Variants in SYT16 observed in about 807,000 individuals in gnomAD.
The protein encoded by SYT16 is synaptotagmin-16.
SYT16 carries 42 observed loss-of-function variants against 61.4 expected under a neutral mutation model. That is an observed-to-expected ratio of 0.68 (90% CI 0.53 to 0.89). The LOEUF (loss-of-function observed/expected upper bound fraction) is 0.89, where lower values mean the gene tolerates loss of function less well. SYT16 is among the 40% of genes least tolerant of loss of function. The pLI is 0.00. For synonymous variants in SYT16, 314 were observed against 302.3 expected (o/e 1.04, Z -0.40); for missense variants, 804 against 807.3 (o/e 1.00, Z 0.05).
In SYT16 at chr14:62,081,130, C is replaced by T. The variant is rs1237422755; in HGVS notation, c.1290C>T (p.Ala430=). 21 of 1,613,948 alleles carry T rather than the reference C, an allele frequency of 1.3e-5. No individual in the cohort carries two copies. The highest frequency in any genetic ancestry group is 1.6e-4 in the Middle Eastern group (1 of 6,062). The change falls in exon 6 of 8, where the codon GCC becomes GCT. Residue 430 remains alanine, a synonymous_variant. Transcript: ENST00000683842. ...FAKLEPRDVA[A]CAVRFRLYAA... The stretch of plus-strand genomic sequence containing the variant: ...AGCTGGAGCCCAGAGATGTGGCTGC[C>T]TGTGCTGTCCGCTTCCGCCTGTACG...
chr14:61,851,101 C>T (rs1345559743), intron 1 of SYT16, among the ~76,000 whole-genome samples: 1 of 152,024 alleles, frequency 6.6e-6, no homozygotes, highest in East Asian at 1.9e-4. Context: ...TGTTGTTTCT[C>T]CCCATGTGTC....
Position 62,105,952 on chromosome 14 carries a change from C to T in SYT16, c.*5245C>T, listed in dbSNP as rs941314867. ...GGGCTTTTAGTAGGGAATAATTAAA[C>T]ATGTAGGGAAGGTGAAGGAGTTAGA... On this transcript the variant is annotated 3_prime_UTR_variant, in exon 8 of 8. Transcript: ENST00000683842. The T allele has an allele frequency of 4.6e-5, 7 of 152,092 alleles. No homozygotes were observed. The highest frequency in any genetic ancestry group is 3.3e-4 in the Admixed American group (5 of 15,252). 9.4% of individuals were successfully genotyped at this position (152,092 alleles called of 1,614,324 possible). A position where few individuals can be genotyped will look rare whatever the true frequency, so the allele number is the denominator to read the frequency against.
At chr14:61,854,381 T>C (rs1241080796) in intron 1 of SYT16, among the ~76,000 whole-genome samples, 1 of 152,254 alleles carries the variant, frequency 6.6e-6, no homozygotes, top group Non-Finnish European at 1.5e-5. Flanking sequence ...TGGCATTTCC[T>C]AATTTTTATT....
At chr14:61,972,483 A>C (rs1271657660) in intron 2 of SYT16, among the ~76,000 whole-genome samples, 1 of 152,206 alleles carries the variant, frequency 6.6e-6, no homozygotes, top group Non-Finnish European at 1.5e-5. Context: ...TCAAATTCAG[A>C]GTGGGGTCAT....
intron 3 of SYT16, among the ~76,000 whole-genome samples, chr14:62,018,267 C>A (rs781643735): frequency 4.7e-5 from 7 of 149,722 alleles, no homozygotes; most frequent in Admixed American, 1.3e-4. Context: ...GAACTCTGGT[C>A]CCCTTGGGTC....
chr14:61,881,763 C>T (rs1488996984), intron 1 of SYT16, among the ~76,000 whole-genome samples: 1 of 152,168 alleles, frequency 6.6e-6, no homozygotes, highest in Admixed American at 6.5e-5. Context: ...CTCATGTCTA[C>T]TTAAATGTCT....
At chr14:61,967,598 G>T (rs1309829073) in intron 1 of SYT16, among the ~76,000 whole-genome samples, 1 of 152,104 alleles carries the variant, frequency 6.6e-6, no homozygotes, top group Non-Finnish European at 1.5e-5. Flanking sequence ...GCTTCATGTG[G>T]CTTTCATCTC....
At chr14:61,877,871 G>A (rs1041232635) in intron 1 of SYT16, among the ~76,000 whole-genome samples, 1 of 152,196 alleles carries the variant, frequency 6.6e-6, no homozygotes, top group African/African-American at 2.4e-5. Flanking sequence ...GCGTTAACTA[G>A]ACAATGGGAA....
intron 7 of SYT16, among the ~76,000 whole-genome samples, chr14:62,096,201 C>G (rs145992194): frequency 1.3e-5 from 2 of 151,922 alleles, no homozygotes; most frequent in Non-Finnish European, 2.9e-5. Flanking sequence ...AAAGAAGACA[C>G]CAATAAACCT....
intron 1 of SYT16, among the ~76,000 whole-genome samples, chr14:61,845,422 G>T (rs953375816): frequency 6.6e-6 from 1 of 152,118 alleles, no homozygotes; most frequent in African/African-American, 2.4e-5. Context: ...GTTCAATCTT[G>T]GTAGGTTGTA....
chr14:61,995,721 T>G (rs2052739333), intron 2 of SYT16, 155 bp from the exon 3 acceptor site: 1 of 291,484 alleles, frequency 3.4e-6, no homozygotes, highest in African/African-American at 2.2e-5. Flanking sequence ...AATCTACATC[T>G]AGACTTTCAC....
At chr14:61,962,484 G>A (rs567023532) in intron 1 of SYT16, among the ~76,000 whole-genome samples, 23 of 151,784 alleles carry the variant, frequency 1.5e-4, no homozygotes, top group African/African-American at 5.3e-4. Flanking sequence ...AATGTGTCTC[G>A]GTATAGATCT....
intron 1 of SYT16, among the ~76,000 whole-genome samples, chr14:61,927,560 A>G (rs2049587175): frequency 1.3e-5 from 2 of 152,238 alleles, no homozygotes; most frequent in Admixed American, 1.3e-4. Context: ...CCATAAAGAC[A>G]GAACTAATAA....
chr14:61,814,164 CCTT>C (rs1276085000), intron 1 of SYT16, among the ~76,000 whole-genome samples: 1 of 152,200 alleles, frequency 6.6e-6, no homozygotes, highest in African/African-American at 2.4e-5. Flanking sequence ...ATGCTTTCCT[CCTT>C]TTTAAAGAGA....
intron 7 of SYT16, among the ~76,000 whole-genome samples, chr14:62,099,014 G>T (rs770453804): frequency 6.6e-6 from 1 of 152,158 alleles, no homozygotes; most frequent in African/African-American, 2.4e-5. Flanking sequence ...AATTGGGTTG[G>T]AGGAGGGGAG....
At position 62,104,008 on chromosome 14, in the gene SYT16, C is replaced by G. The variant is rs551619441; in HGVS notation, c.*3301C>G. 2.6e-5 allele frequency: 4 copies of G among 152,162 alleles called. No homozygotes were observed. Among genetic ancestry groups the G allele is most frequent in the African/African-American group, 9.7e-5 (4 of 41,434 alleles). 9.4% of individuals were successfully genotyped at this position (152,162 alleles called of 1,614,324 possible). ...ATGATATTTTACAAATTATTGTTAC[C>G]TCTTGTGCAGTTACTGTGCTTTAGA... On this transcript the variant is annotated 3_prime_UTR_variant, in exon 8 of 8. Transcript: ENST00000683842.
chr14:62,060,959 A>T (rs1217348485), intron 3 of SYT16, among the ~76,000 whole-genome samples: 2 of 152,076 alleles, frequency 1.3e-5, no homozygotes, highest in African/African-American at 4.8e-5. Flanking sequence ...TTTCAAGTGC[A>T]TGTCATTATG....
At chr14:61,948,612 T>C (rs1250962901) in intron 1 of SYT16, among the ~76,000 whole-genome samples, 1 of 152,070 alleles carries the variant, frequency 6.6e-6, no homozygotes, top group Non-Finnish European at 1.5e-5. Flanking sequence ...ATGTTAGGAA[T>C]CCTGCAGGAC....
intron 1 of SYT16, among the ~76,000 whole-genome samples, chr14:61,835,020 C>T (rs118050495): frequency 0.013 from 1,943 of 152,130 alleles, 10 homozygotes; most frequent in Non-Finnish European, 0.019. Flanking sequence ...AAATCCTGAC[C>T]TTTTATACCC....
Sources: allele counts gnomAD v4.1 joint callset (sites outside exome capture counted in the v4.1 genomes callset), GRCh38; gene constraint gnomAD v4.1.1; transcripts MANE v1.5; gene names NCBI Gene and HGNC (gene_info 2026-07-23, HGNC 2026-07-21).